MECR: variants seen among roughly 807,000 people sequenced by gnomAD.
MECR encodes enoyl-[acyl-carrier-protein] reductase, mitochondrial.
In MECR, 37 loss-of-function variants were observed where a neutral mutation model predicts 49.1. That is an observed-to-expected ratio of 0.75 (90% CI 0.58 to 0.99). The LOEUF (loss-of-function observed/expected upper bound fraction) is 0.99. Among genes scored for constraint, MECR ranks in the 50% least tolerant of loss-of-function variants. MECR has a pLI of 0.00. For synonymous variants in MECR, 198 were observed against 191.1 expected, an observed-to-expected ratio of 1.04 and a Z score of -0.30; for missense variants, 470 against 479.6, an observed-to-expected ratio of 0.98 and a Z score of 0.19.
At chr1:29,208,773 T>C (rs142820865) in intron 3 of MECR, among the ~76,000 whole-genome samples, 1 of 152,312 alleles carries the variant, frequency 6.6e-6, no homozygotes, top group Non-Finnish European at 1.5e-5. Context: ...GACAGTTTCC[T>C]TAGTTTCATT....
Position 29,216,242 on chromosome 1 carries a change from C to T in MECR, c.275-106G>A, listed in dbSNP as rs1406894856. The T allele has an allele frequency of 5.8e-6, 8 of 1,383,170 alleles. No homozygotes were observed. In the African/African-American group the frequency reaches 1.1e-4, roughly 20 times the overall value. 85.7% of individuals were successfully genotyped at this position (1,383,170 alleles called of 1,614,324 possible). The stretch of plus-strand genomic sequence containing the variant: ...GGCCTGATCTGGGCTCTGCTTTGGA[C>T]TGTCTGCCTAACCAACCTCTGAGCC... On this transcript the variant is annotated intron_variant, in intron 2 of 9. Transcript: ENST00000263702.
intron 7 of MECR, among the ~76,000 whole-genome samples, chr1:29,199,280 T>G (rs747292462): frequency 1.3e-5 from 2 of 152,140 alleles, no homozygotes; most frequent in Non-Finnish European, 2.9e-5. Flanking sequence ...CAGGCTGGAG[T>G]GCAGTGGCGC....
At chr1:29,223,375 A>G in intron 1 of MECR, 1 of 775,886 alleles carries the variant, frequency 1.3e-6, no homozygotes, top group Non-Finnish European at 1.6e-6. Context: ...CTTGCTGTGT[A>G]AGGTGGGCAT....
chr1:29,194,177 G>A lies in MECR; in HGVS notation c.967C>T (p.Gln323Ter), dbSNP rs1171553582. 6.2e-7 allele frequency: 1 copy of A among 1,603,014 alleles called. No homozygotes were observed. The highest frequency in any genetic ancestry group is 1.1e-5 in the South Asian group (1 of 89,694). The change falls in exon 10 of 10, where the codon CAG becomes TAG. Residue 323 changes from glutamine (Q) to a stop codon, truncating the protein, a stop_gained and splice_region_variant. Transcript: ENST00000263702. LOFTEE classifies it high-confidence loss of function. ...AGTGTGAGGATCAGCTCCTTGAACTGGTCTGCGGGAGGTTGGAGGAAATCA... is the reference window on the plus strand; with the variant it reads ...AGTGTGAGGATCAGCTCCTTGAACTAGTCTGCGGGAGGTTGGAGGAAATCA... ...SQWKKDHSPD[Q>*]FKELILTLCD...
chr1:29,190,235 C>T (rs780897599), downstream of MECR, among the ~76,000 whole-genome samples: 2 of 152,024 alleles, frequency 1.3e-5, no homozygotes, highest in Non-Finnish European at 2.9e-5. Flanking sequence ...ATTAGCCAGG[C>T]GCGGTGGCAG....
intron 6 of MECR, among the ~76,000 whole-genome samples, 197 bp from the exon 7 acceptor site, chr1:29,200,786 T>C (rs1675129246): frequency 6.6e-6 from 1 of 152,094 alleles, no homozygotes. Flanking sequence ...TGTCTTTTCT[T>C]TCTTTTTTCT....
the MECR span, chr1:29,171,694 C>T: frequency 2.0e-5 from 3 of 152,038 alleles, no homozygotes; most frequent in East Asian, 3.9e-4. Context: ...TTCTGAGGAG[C>T]TCAAAGTAAA....
Position 29,196,227 on chromosome 1 carries a change from T to TC in MECR, c.861dup (p.Met288AspfsTer16), listed in dbSNP as rs752871814. The TC allele has an allele frequency of 2.5e-6, 4 of 1,613,712 alleles. No individual in the cohort carries two copies. In the African/African-American group the frequency reaches 4.0e-5, roughly 16 times the overall value. ...GAGGCTACGACGGGCTGCTTGGCCA[T>TC]CCCCCCATAGGTTACCATGGTTCCT... On this transcript the variant is annotated frameshift_variant, in exon 8 of 10. Transcript: ENST00000263702. LOFTEE classifies it high-confidence loss of function.
At chr1:29,200,957 T>C (rs1232862722) in intron 6 of MECR, among the ~76,000 whole-genome samples, 1 of 151,162 alleles carries the variant, frequency 6.6e-6, no homozygotes, top group African/African-American at 2.4e-5. Flanking sequence ...ACCAGATAAT[T>C]AAAAAAAAAT....
chr1:29,203,077 G>C, intron 5 of MECR, 54 bp downstream of exon 5: 1 of 1,428,558 alleles, frequency 7.0e-7, no homozygotes, highest in Non-Finnish European at 9.5e-7. Context: ...GCAGGGATGG[G>C]AGGTGGGAAA....
At chr1:29,168,010 TC>T in the MECR span, among the ~76,000 whole-genome samples, 1 of 117,374 alleles carries the variant, frequency 8.5e-6, no homozygotes, top group Admixed American at 1.0e-4. Flanking sequence ...AGGTTCTAAT[TC>T]CTTTTTTTTT....
chr1:29,215,857 G>T, intron 3 of MECR, 148 bp downstream of exon 3: 1 of 998,158 alleles, frequency 1.0e-6, no homozygotes, highest in Non-Finnish European at 1.4e-6. Context: ...GGCAATAAGA[G>T]CAAAACTCCG....
At chr1:29,223,094 G>A in intron 1 of MECR, 3 of 985,390 alleles carry the variant, frequency 3.0e-6, no homozygotes, top group Non-Finnish European at 3.6e-6. Context: ...GTACAAATGA[G>A]GCACCCAACC....
the MECR span, among the ~76,000 whole-genome samples, chr1:29,182,799 C>G: frequency 9.2e-5 from 14 of 152,244 alleles, no homozygotes; most frequent in Admixed American, 2.0e-4. Context: ...CCGCCTTGGC[C>G]TCCCAAAGTG....
intron 4 of MECR, among the ~76,000 whole-genome samples, chr1:29,204,267 G>C (rs1166425095): frequency 6.6e-6 from 1 of 152,060 alleles, no homozygotes; most frequent in Admixed American, 6.6e-5. Flanking sequence ...TCGTGTCCGG[G>C]AAAGTGCTTT....
chr1:29,215,921 C>T, intron 3 of MECR, 84 bp downstream of exon 3: 1 of 1,521,382 alleles, frequency 6.6e-7, no homozygotes, highest in Non-Finnish European at 9.0e-7. Flanking sequence ...CCCAGGTACA[C>T]TCGGCCAATC....
the MECR span, among the ~76,000 whole-genome samples, chr1:29,176,489 TAA>T: frequency 2.5e-4 from 35 of 137,586 alleles, no homozygotes; most frequent in Middle Eastern, 3.6e-3. Context: ...CTAAAAACTT[TAA>T]AAAAAAAAAA....
the MECR span, chr1:29,181,614 C>T: frequency 6.4e-7 from 1 of 1,551,916 alleles, no homozygotes; most frequent in Non-Finnish European, 8.7e-7. Context: ...GGTCTGTCCC[C>T]GCCCGGCCGG....
At chr1:29,208,456 C>A (rs994808210) in intron 3 of MECR, among the ~76,000 whole-genome samples, 1 of 152,226 alleles carries the variant, frequency 6.6e-6, no homozygotes, top group Non-Finnish European at 1.5e-5. Flanking sequence ...TCGCCTCCTC[C>A]AGGAGCTACT....
Sources: gnomAD v4.1 joint callset for allele counts (sites outside exome capture counted in the v4.1 genomes callset) on GRCh38, gnomAD v4.1.1 for gene constraint, MANE v1.5 for transcripts, NCBI Gene and HGNC (gene_info 2026-07-23, HGNC 2026-07-21) for gene names.